PGLYRP4: variants seen among roughly 807,000 people sequenced by gnomAD.
The protein encoded by PGLYRP4 is PGRP-I-beta.
PGLYRP4 carries 39 observed loss-of-function variants against 41.2 expected under a neutral mutation model. The observed-to-expected ratio is 0.95, with a 90% CI of 0.73 to 1.24. The LOEUF (loss-of-function observed/expected upper bound fraction) is 1.24, where lower values mean the gene tolerates loss of function less well. Among genes scored for constraint, PGLYRP4 ranks in the 50% most tolerant of loss-of-function variants. The pLI, the probability that PGLYRP4 is intolerant of heterozygous loss-of-function variation, is 0.00. For missense variants in PGLYRP4, 467 were observed against 460.7 expected (o/e 1.01, Z -0.13); for synonymous variants, 202 against 186.8 (o/e 1.08, Z -0.66).
chr1:153,340,483 G>A lies in PGLYRP4; in HGVS notation c.722C>T (p.Thr241Ile), dbSNP rs754138096. The part of the protein sequence containing the change: ...LPAKYGIIIH[T>I]AGRTCNISDE... ...AGAAATGTTGCAGGTCCTCCCGGCA[G>A]TGTGGATAATGATGCCATACTTCGC... The change falls in exon 7 of 9, where the codon ACT becomes ATT. Residue 241 changes from threonine (T) to isoleucine (I), a missense_variant. Transcript: ENST00000359650. 6 of 1,614,076 alleles carry A rather than the reference G, an allele frequency of 3.7e-6. No individual in the cohort carries two copies. In the African/African-American group the frequency reaches 8.0e-5, roughly 22 times the overall value.
chr1:153,345,479 G>C, intron 3 of PGLYRP4, 97 bp from the exon 4 acceptor site: 2 of 1,103,268 alleles, frequency 1.8e-6, no homozygotes, highest in East Asian at 4.7e-5. Context: ...CTTGGTAGTG[G>C]AAGAGCCTTC....
At chr1:153,345,146 T>C in intron 4 of PGLYRP4, 23 bp downstream of exon 4, 1 of 1,581,174 alleles carries the variant, frequency 6.3e-7, no homozygotes, top group Non-Finnish European at 8.6e-7. Context: ...CCATGTGCCG[T>C]GGGACCCAGA....
intron 7 of PGLYRP4, 31 bp downstream of exon 7, chr1:153,340,350 A>C: frequency 6.3e-7 from 1 of 1,599,120 alleles, no homozygotes. Context: ...CCCCAAGGGA[A>C]AAGAAGCCCA....
chr1:153,346,051 GAAAAA>G, intron 3 of PGLYRP4, 46 bp downstream of exon 3: 1 of 1,364,822 alleles, frequency 7.3e-7, no homozygotes, highest in Non-Finnish European at 1.0e-6. Context: ...CCGATCACAT[GAAAAA>G]CCCCAGCTCG....
chr1:153,332,859 G>A (rs969872513), intron 8 of PGLYRP4, among the ~76,000 whole-genome samples: 4 of 151,984 alleles, frequency 2.6e-5, no homozygotes, highest in Non-Finnish European at 5.9e-5. Flanking sequence ...ACATACCAAA[G>A]CCTCTGGGAT....
rs1660818716 is a variant in PGLYRP4, at chr1:153,341,878, T to C, written c.473-99A>G. The C allele has an allele frequency of 4.5e-6, 5 of 1,120,014 alleles. No individual in the cohort carries two copies. The East Asian group carries it at 9.7e-5, about 22-fold the overall frequency. The allele number at this position is 1,120,014 out of a possible 1,614,324, so 69.4% of individuals were successfully genotyped here. A position where few individuals can be genotyped will look rare whatever the true frequency, so the allele number is the denominator to read the frequency against. The stretch of plus-strand genomic sequence containing the variant: ...GCTCTGCCAGCCCCTGCACAGCTGA[T>C]GGAGAGGAAGAAAAGGGAACAGGTT... On this transcript the variant is annotated intron_variant, in intron 5 of 8. Transcript: ENST00000359650.
chr1:153,332,291 A>G (rs570077907), intron 8 of PGLYRP4, among the ~76,000 whole-genome samples: 12 of 152,302 alleles, frequency 7.9e-5, no homozygotes, highest in Admixed American at 4.6e-4. Flanking sequence ...ATATGCACCC[A>G]ACTCATATAT....
intron 5 of PGLYRP4, 33 bp downstream of exon 5, chr1:153,343,057 T>A (rs760782911): frequency 1.0e-5 from 14 of 1,352,290 alleles, no homozygotes; most frequent in Non-Finnish European, 1.1e-5. Context: ...ATTAGAGAAC[T>A]CTTTGGAGAA....
In PGLYRP4 at chr1:153,330,694, C is replaced by T. The variant is rs1430271330; in HGVS notation, c.*73G>A. 7.3e-7 allele frequency: 1 copy of T among 1,377,534 alleles called. No individual in the cohort carries two copies. The highest frequency in any genetic ancestry group is 1.0e-6 in the Non-Finnish European group (1 of 988,496). The allele number at this position is 1,377,534 out of a possible 1,614,324, so 85.3% of individuals were successfully genotyped here. ...GGGAGGAGGGCAAAAGGTGTTGAGC[C>T]AAGCTGGATGGTTAGGACAGGAGAG... is the stretch of plus-strand genomic sequence containing the variant. On this transcript the variant is annotated 3_prime_UTR_variant, in exon 9 of 9. Transcript: ENST00000359650.
intron 2 of PGLYRP4, among the ~76,000 whole-genome samples, chr1:153,346,395 T>G (rs1157604844): frequency 1.3e-5 from 2 of 152,076 alleles, no homozygotes; most frequent in Non-Finnish European, 2.9e-5. Flanking sequence ...CCATGCCAAC[T>G]CTGGGAAATC....
At position 153,343,672 on chromosome 1, in the gene PGLYRP4, C is replaced by G. The variant is rs1032590762; in HGVS notation, c.354-464G>C. 3.3e-5 allele frequency among the ~76,000 whole-genome samples: 5 copies of G among 152,294 alleles called. No individual in the cohort carries two copies. The South Asian group carries it at 1.0e-3, about 32-fold the overall frequency. ...CAAGAAATAGCTCCTGAGACAGGGA[C>G]GAGGATGCAGGCACTTCATCTGCAA... On this transcript the variant is annotated intron_variant, in intron 4 of 8. Coordinates refer to ENST00000359650, the MANE Select transcript of PGLYRP4 (RefSeq NM_020393.4).
In PGLYRP4 at chr1:153,347,997, G is replaced by A. The variant is rs1661089135; in HGVS notation, c.-46-19C>T. On this transcript the variant is annotated intron_variant, in intron 1 of 8. Coordinates refer to ENST00000359650, the MANE Select transcript of PGLYRP4 (RefSeq NM_020393.4). ...TGGCAGCCTGAGAGAGACGCTGACA[G>A]TTGTTAACATGACCATTCTCAATCT... The A allele has an allele frequency of 3.8e-6, 5 of 1,311,316 alleles. No homozygotes were observed. Among genetic ancestry groups the A allele is most frequent in the South Asian group, 2.4e-5 (2 of 82,288 alleles). 81.2% of individuals were successfully genotyped at this position (1,311,316 alleles called of 1,614,324 possible).
chr1:153,340,884 T>C (rs1372911081), intron 6 of PGLYRP4, among the ~76,000 whole-genome samples: 1 of 152,382 alleles, frequency 6.6e-6, no homozygotes, highest in African/African-American at 2.4e-5. Context: ...TACTCAAGGC[T>C]TTAATATAAT....
intron 5 of PGLYRP4, among the ~76,000 whole-genome samples, chr1:153,342,833 T>G (rs896378386): frequency 6.6e-6 from 1 of 152,082 alleles, no homozygotes; most frequent in Non-Finnish European, 1.5e-5. Context: ...GGTCAGCATC[T>G]CCACATAAAA....
chr1:153,331,157 T>A (rs1275035915), intron 8 of PGLYRP4, among the ~76,000 whole-genome samples: 1 of 152,188 alleles, frequency 6.6e-6, no homozygotes, highest in Admixed American at 6.5e-5. Flanking sequence ...TAATAAATTC[T>A]TCTGAGGATA....
chr1:153,331,049 G>A, intron 8 of PGLYRP4, 104 bp from the exon 9 acceptor site: 1 of 901,926 alleles, frequency 1.1e-6, no homozygotes, highest in Non-Finnish European at 1.6e-6. Context: ...AGATTCCACT[G>A]TTGGCAGCCT....
At position 153,332,719 on chromosome 1, in the gene PGLYRP4, C is replaced by A. The variant is rs1343070939; in HGVS notation, c.944-1774G>T. The stretch of plus-strand genomic sequence containing the variant: ...AGTGGAAGAAAACTAGAAATCAATA[C>A]CAAGAGTAACTCTCAAAACTATACA... On this transcript the variant is annotated intron_variant, in intron 8 of 8. Coordinates refer to ENST00000359650, the MANE Select transcript of PGLYRP4 (RefSeq NM_020393.4). Among the ~76,000 whole-genome samples the A allele has an allele frequency of 2.6e-5, 4 of 151,996 alleles. No homozygotes were observed. In the East Asian group the frequency reaches 5.8e-4, roughly 22 times the overall value.
chr1:153,340,239 G>T, intron 7 of PGLYRP4, 142 bp downstream of exon 7: 1 of 720,292 alleles, frequency 1.4e-6, no homozygotes, highest in Non-Finnish European at 2.4e-6. Flanking sequence ...GCAGGGTCGT[G>T]TGATGAATTC....
Position 153,347,401 on chromosome 1 carries a change from G to A in PGLYRP4, c.49+483C>T, listed in dbSNP as rs150795352. On this transcript the variant is annotated intron_variant, in intron 2 of 8. Transcript: ENST00000359650. ...TGTTTGTTTTTTGAGACAAGTTCTC[G>A]CTCTGTCACCCAGGTTGGAGTGCAG... Among the ~76,000 whole-genome samples, 20 of 151,010 alleles carry A rather than the reference G, an allele frequency of 1.3e-4. No homozygotes were observed. In the East Asian group the frequency reaches 3.6e-3, roughly 27 times the overall value.
Sources: allele counts gnomAD v4.1 joint callset (sites outside exome capture counted in the v4.1 genomes callset), GRCh38; gene constraint gnomAD v4.1.1; transcripts MANE v1.5; gene names NCBI Gene and HGNC (gene_info 2026-07-23, HGNC 2026-07-21).